The following SIMC1 variants were observed in gnomAD, a reference collection of about 807,000 sequenced individuals.
SIMC1 encodes the protein SUMO interacting motifs containing 1, also known as SUMO-interacting motif-containing protein 1.
In SIMC1, 55 loss-of-function variants were observed where a neutral mutation model predicts 82.3. The observed-to-expected ratio is 0.67, with a 90% CI of 0.54 to 0.84. The LOEUF (loss-of-function observed/expected upper bound fraction) is 0.84. Ranked by LOEUF, SIMC1 falls within the 40% of genes least tolerant of loss-of-function variation. SIMC1 has a pLI of 0.00. For synonymous variants in SIMC1, 353 were observed against 426.3 expected, an observed-to-expected ratio of 0.83 and a Z score of 2.12; for missense variants, 915 against 1,107.2, an observed-to-expected ratio of 0.83 and a Z score of 2.46.
At chr5:176,281,395 A>T (rs914961879) in intron 1 of SIMC1, among the ~76,000 whole-genome samples, 5 of 152,128 alleles carry the variant, frequency 3.3e-5, no homozygotes, top group Non-Finnish European at 7.3e-5. Flanking sequence ...TGTAGCTTGT[A>T]GTTTGATCGT....
intron 4 of SIMC1, among the ~76,000 whole-genome samples, chr5:176,311,569 AAAG>A (rs1351187374): frequency 6.6e-6 from 1 of 152,044 alleles, no homozygotes; most frequent in East Asian, 1.9e-4. Flanking sequence ...AAAAAGAGAG[AAAG>A]AATTATTTGG....
intron 9 of SIMC1, among the ~76,000 whole-genome samples, chr5:176,338,331 AAAG>A (rs1765991916): frequency 6.6e-6 from 1 of 152,208 alleles, no homozygotes; most frequent in Non-Finnish European, 1.5e-5. Flanking sequence ...GAACAGGAGA[AAAG>A]AAGTCATAAA....
At chr5:176,308,271 G>T in intron 4 of SIMC1, 1 of 1,506,914 alleles carries the variant, frequency 6.6e-7, no homozygotes, top group Admixed American at 1.7e-5. Flanking sequence ...GATGCCATCA[G>T]AATTGTTCAC....
At chr5:176,329,403 G>A (rs1449541044) in intron 7 of SIMC1, among the ~76,000 whole-genome samples, 7 of 151,774 alleles carry the variant, frequency 4.6e-5, no homozygotes, top group East Asian at 1.9e-4. Flanking sequence ...CCCGGGAGGC[G>A]GAGCTTGCAG....
At chr5:176,272,015 T>C (rs1239309105) in intron 1 of SIMC1, among the ~76,000 whole-genome samples, 1 of 145,266 alleles carries the variant, frequency 6.9e-6, no homozygotes, top group African/African-American at 2.5e-5. Context: ...TAATATAATA[T>C]ATAATATATC....
intron 1 of SIMC1, among the ~76,000 whole-genome samples, chr5:176,245,810 G>A (rs1479410203): frequency 6.6e-6 from 1 of 152,076 alleles, no homozygotes; most frequent in Non-Finnish European, 1.5e-5. Flanking sequence ...TAATTGTTTT[G>A]AGATAATTAT....
chr5:176,345,717 A>G lies in SIMC1; in HGVS notation c.*272A>G, dbSNP rs543153466. 5.4e-6 allele frequency: 1 copy of G among 184,922 alleles called. No homozygotes were observed. The highest frequency in any genetic ancestry group is 1.1e-5 in the Non-Finnish European group (1 of 90,792). The allele number at this position is 184,922 out of a possible 1,614,324, so 11.5% of individuals were successfully genotyped here. A position where few individuals can be genotyped will look rare whatever the true frequency, so the allele number is the denominator to read the frequency against. Reference sequence around the variant, plus strand: ...TTTGAAACAGGTTAATACTCTGTGCATCACATGTTTAACATTTTCATTCAA... The same window carrying G: ...TTTGAAACAGGTTAATACTCTGTGCGTCACATGTTTAACATTTTCATTCAA... On this transcript the variant is annotated 3_prime_UTR_variant, in exon 10 of 10. Coordinates refer to ENST00000429602, the MANE Select transcript of SIMC1 (RefSeq NM_001308195.2).
At chr5:176,344,305 T>C (rs776772718) in intron 9 of SIMC1, among the ~76,000 whole-genome samples, 124 of 152,158 alleles carry the variant, frequency 8.1e-4, no homozygotes, top group Non-Finnish European at 4.3e-4. Flanking sequence ...GCCAGTTATT[T>C]TGTACATGTC....
At chr5:176,291,002 C>G (rs777668061) in intron 2 of SIMC1, 47 bp downstream of exon 2, 97 of 1,366,740 alleles carry the variant, frequency 7.1e-5, no homozygotes, top group Middle Eastern at 1.9e-4. Context: ...TTCCCTAGGC[C>G]TAGGAGAAGG....
chr5:176,252,310 C>T (rs543161906), intron 1 of SIMC1, among the ~76,000 whole-genome samples: 262 of 151,402 alleles, frequency 1.7e-3, no homozygotes, highest in Middle Eastern at 3.4e-3. Context: ...CGGGCGGAGA[C>T]GCTCCGGGCA....
intron 7 of SIMC1, among the ~76,000 whole-genome samples, chr5:176,325,794 A>G (rs1047628452): frequency 1.8e-4 from 27 of 152,190 alleles, no homozygotes; most frequent in African/African-American, 6.3e-4. Flanking sequence ...TAGGCCTGGC[A>G]TAAGTGTTCA....
At chr5:176,312,660 C>T (rs926144753) in intron 4 of SIMC1, among the ~76,000 whole-genome samples, 10 of 152,006 alleles carry the variant, frequency 6.6e-5, no homozygotes, top group African/African-American at 2.2e-4. Context: ...TTGTCACCTC[C>T]TCCCAAAAAA....
chr5:176,251,099 C>T (rs1186024918), intron 1 of SIMC1, among the ~76,000 whole-genome samples: 1 of 152,138 alleles, frequency 6.6e-6, no homozygotes, highest in East Asian at 1.9e-4. Flanking sequence ...CGGTGGCTCA[C>T]CCCTACAATC....
chr5:176,296,464 G>A, intron 4 of SIMC1, 144 bp downstream of exon 4: 1 of 1,241,958 alleles, frequency 8.1e-7, no homozygotes, highest in Non-Finnish European at 1.1e-6. Flanking sequence ...AGGAGTTCAA[G>A]GCCAGCCTGG....
chr5:176,327,667 T>C (rs944760101), intron 7 of SIMC1, among the ~76,000 whole-genome samples: 2 of 152,222 alleles, frequency 1.3e-5, no homozygotes, highest in African/African-American at 4.8e-5. Context: ...GCCCCATTCC[T>C]GATCTTAGGG....
At chr5:176,303,507 G>A (rs1237620872) in intron 4 of SIMC1, among the ~76,000 whole-genome samples, 1 of 151,686 alleles carries the variant, frequency 6.6e-6, no homozygotes, top group East Asian at 1.9e-4. Context: ...TTTTAATAGA[G>A]ACGGGTTTCT....
chr5:176,263,901 G>C (rs1311718446), intron 1 of SIMC1, among the ~76,000 whole-genome samples: 1 of 152,128 alleles, frequency 6.6e-6, no homozygotes, highest in Non-Finnish European at 1.5e-5. Context: ...TGAATTCTAA[G>C]ATACAATGAT....
intron 1 of SIMC1, among the ~76,000 whole-genome samples, chr5:176,241,295 A>T (rs1761266486): frequency 1.1e-5 from 1 of 95,026 alleles, no homozygotes; most frequent in Admixed American, 1.1e-4. Context: ...TAATCTCACT[A>T]TCCAAAGATA....
intron 5 of SIMC1, among the ~76,000 whole-genome samples, chr5:176,320,335 A>T (rs563187267): frequency 0.018 from 160 of 8,934 alleles, no homozygotes; most frequent in African/African-American, 0.021. Context: ...ATCCTATTTT[A>T]TTTATTTATT....
Sources: gnomAD v4.1 joint callset for allele counts (sites outside exome capture counted in the v4.1 genomes callset) on GRCh38, gnomAD v4.1.1 for gene constraint, MANE v1.5 for transcripts, NCBI Gene and HGNC (gene_info 2026-07-23, HGNC 2026-07-21) for gene names.